The following CNIH1 variants were observed in gnomAD, a reference collection of about 807,000 sequenced individuals.
CNIH1 encodes the protein cornichon family member 1, also known as protein cornichon homolog 1.
In CNIH1, 12 loss-of-function variants were observed where a neutral mutation model predicts 20.2. That is an observed-to-expected ratio of 0.59 (90% CI 0.38 to 0.96). The LOEUF (loss-of-function observed/expected upper bound fraction) is 0.96. Ranked by LOEUF, CNIH1 falls within the 40% of genes least tolerant of loss-of-function variation. CNIH1 has a pLI of 0.00. For missense variants in CNIH1, 152 were observed against 178.8 expected, an observed-to-expected ratio of 0.85 and a Z score of 0.85; for synonymous variants, 69 against 63.3, an observed-to-expected ratio of 1.09 and a Z score of -0.43.
chr14:54,429,528 G>A (rs1400541965), intron 4 of CNIH1, among the ~76,000 whole-genome samples: 2 of 152,226 alleles, frequency 1.3e-5, no homozygotes, highest in Non-Finnish European at 2.9e-5. Flanking sequence ...GGAGGCCAAG[G>A]TGGGCGGATC....
chr14:54,430,376 G>C lies in CNIH1; in HGVS notation c.292C>G (p.Pro98Ala), dbSNP rs2030909968. 6.2e-7 allele frequency: 1 copy of C among 1,613,872 alleles called. No homozygotes were observed. The highest frequency in any genetic ancestry group is 1.1e-5 in the South Asian group (1 of 91,066). Residue 98 changes from proline (P) to alanine (A), a missense_variant, in exon 4 of 5, where the codon CCA becomes GCA. Around this residue, in one of 3 missense-constraint regions of CNIH1, gnomAD observed 27 missense variants for 55.4 expected, o/e 0.49. Coordinates refer to ENST00000216416, the MANE Select transcript of CNIH1 (RefSeq NM_005776.3). ...ATGGTTGTAGGGTCATAGAGTCCTG[G>C]GCCACTCATCACTGGTCTACTCATA... ...RYMSRPVMSGPGLYDPTTIMN... is the reference protein window; with the variant it reads ...RYMSRPVMSGAGLYDPTTIMN...
chr14:54,433,333 A>G (rs946325011), intron 2 of CNIH1, among the ~76,000 whole-genome samples: 2 of 152,194 alleles, frequency 1.3e-5, no homozygotes, highest in Admixed American at 6.5e-5. Flanking sequence ...CCATTTTCTC[A>G]TACTCCCAAA....
chr14:54,427,822 T>G lies in CNIH1; in HGVS notation c.427A>C (p.Ser143Arg). The G allele has an allele frequency of 6.2e-7, 1 of 1,613,576 alleles. No homozygotes were observed. Among genetic ancestry groups the G allele is most frequent in the Non-Finnish European group, 8.5e-7 (1 of 1,179,888 alleles). The change falls in exon 5 of 5, where the codon AGC becomes CGC. Residue 143 changes from serine to arginine, a missense_variant. Coordinates refer to ENST00000216416, the MANE Select transcript of CNIH1 (RefSeq NM_005776.3). ...TTCTTCTGTGTGTTGTTCTAAGAGC[T>G]CACCAAAACATAGATCATGCTGAAA... ...YLYGMIYVLV[S>R]S
rs2030812770 is a variant in CNIH1, at chr14:54,425,603, GGTAA to G, written c.*2207_*2210del. On this transcript the variant is annotated 3_prime_UTR_variant, in exon 5 of 5. Transcript: ENST00000216416. ...AAGTATTTCGTTTCTGCTTTCTCTT[GGTAA>G]GTGATCTAATTCATAAAACACTGAC... 1 of 152,080 alleles carries G rather than the reference GGTAA, an allele frequency of 6.6e-6. No individual in the cohort carries two copies. Among genetic ancestry groups the G allele is most frequent in the East Asian group, 1.9e-4 (1 of 5,204 alleles). 9.4% of individuals were successfully genotyped at this position (152,080 alleles called of 1,614,324 possible).
intron 1 of CNIH1, among the ~76,000 whole-genome samples, chr14:54,439,689 A>G (rs1386823195): frequency 6.6e-6 from 1 of 151,826 alleles, no homozygotes; most frequent in African/African-American, 2.4e-5. Flanking sequence ...AGCTGGGATT[A>G]CAGGCGCCCA....
Position 54,441,278 on chromosome 14 carries a change from G to A in CNIH1, c.50C>T (p.Thr17Ile). 6.6e-7 allele frequency: 1 copy of A among 1,521,760 alleles called. No homozygotes were observed. The highest frequency in any genetic ancestry group is 1.2e-5 in the South Asian group (1 of 81,274). The allele number at this position is 1,521,760 out of a possible 1,614,324, so 94.3% of individuals were successfully genotyped here. A position where few individuals can be genotyped will look rare whatever the true frequency, so the allele number is the denominator to read the frequency against. ...AATGGCGAAGAAGATGAGCGCGGCA[G>A]TGAGCAGCAGCGCCAGCATGTAGCA... ...AFCYMLALLL[T>I]AALIFFAIWH... The change falls in exon 1 of 5, where the codon ACT becomes ATT. Residue 17 changes from threonine to isoleucine, a missense_variant. By Grantham distance (89) the Thr-to-Ile change is moderately conservative. Transcript: ENST00000216416.
At position 54,424,707 on chromosome 14, in the gene CNIH1, G is replaced by C. The variant is rs1319990149; in HGVS notation, c.*3107C>G. On this transcript the variant is annotated 3_prime_UTR_variant, in exon 5 of 5. Transcript: ENST00000216416. ...TTTGGGGAGCAGAGAAGAGCTCTAT[G>C]AGAACTGTTTGCAGGAGTGGTCGTC... 5 of 152,210 alleles carry C rather than the reference G, an allele frequency of 3.3e-5. No individual in the cohort carries two copies. The highest frequency in any genetic ancestry group is 1.2e-4 in the African/African-American group (5 of 41,454). The allele number at this position is 152,210 out of a possible 1,614,324, so 9.4% of individuals were successfully genotyped here. A position where few individuals can be genotyped will look rare whatever the true frequency, so the allele number is the denominator to read the frequency against.
intron 4 of CNIH1, among the ~76,000 whole-genome samples, chr14:54,428,525 C>A (rs1441197681): frequency 6.6e-6 from 1 of 152,222 alleles, no homozygotes; most frequent in Non-Finnish European, 1.5e-5. Context: ...GCTTGATAGA[C>A]AACCTTAAAA....
chr14:54,441,232 G>C lies in CNIH1; in HGVS notation c.81+15C>G. On this transcript the variant is annotated intron_variant, in intron 1 of 4. Coordinates refer to ENST00000216416, the MANE Select transcript of CNIH1 (RefSeq NM_005776.3). ...TTGCCGCCTCGCCCTCCTTTCCCCAGCCCCAGCTACTCACGTGCCAAATGG... is the reference window on the plus strand; with the variant it reads ...TTGCCGCCTCGCCCTCCTTTCCCCACCCCCAGCTACTCACGTGCCAAATGG... 1 of 1,504,340 alleles carries C rather than the reference G, an allele frequency of 6.6e-7. No individual in the cohort carries two copies. Among genetic ancestry groups the C allele is most frequent in the Non-Finnish European group, 8.9e-7 (1 of 1,124,406 alleles). The allele number at this position is 1,504,340 out of a possible 1,614,324, so 93.2% of individuals were successfully genotyped here.
In CNIH1 at chr14:54,426,150, A is replaced by T. The variant is rs192997771; in HGVS notation, c.*1664T>A. ...TTGTTACATGAACTGACCAAGAGTC[A>T]GATCCCTCTAGTTCTCCAGACTGTG... On this transcript the variant is annotated 3_prime_UTR_variant, in exon 5 of 5. Coordinates refer to ENST00000216416, the MANE Select transcript of CNIH1 (RefSeq NM_005776.3). 6.6e-6 allele frequency: 1 copy of T among 152,328 alleles called. No individual in the cohort carries two copies. Among genetic ancestry groups the T allele is most frequent in the East Asian group, 1.9e-4 (1 of 5,184 alleles). The allele number at this position is 152,328 out of a possible 1,614,324, so 9.4% of individuals were successfully genotyped here. A position where few individuals can be genotyped will look rare whatever the true frequency, so the allele number is the denominator to read the frequency against.
chr14:54,430,102 G>C, intron 4 of CNIH1, 159 bp downstream of exon 4: 1 of 699,428 alleles, frequency 1.4e-6, no homozygotes, highest in Non-Finnish European at 2.4e-6. Flanking sequence ...GCACCAGTGT[G>C]GGCCACACTG....
chr14:54,431,335 C>G (rs1461149813), intron 3 of CNIH1, among the ~76,000 whole-genome samples: 1 of 151,908 alleles, frequency 6.6e-6, no homozygotes, highest in Non-Finnish European at 1.5e-5. Flanking sequence ...ACCATCTTGG[C>G]CAGGCTGGTC....
At chr14:54,427,932 T>A in intron 4 of CNIH1, 91 bp from the exon 5 acceptor site, 1 of 1,190,588 alleles carries the variant, frequency 8.4e-7, no homozygotes, top group Non-Finnish European at 1.2e-6. Flanking sequence ...TATAGCAAAC[T>A]AGTATCACAG....
chr14:54,428,648 A>C (rs1214583315), intron 4 of CNIH1, among the ~76,000 whole-genome samples: 1 of 152,236 alleles, frequency 6.6e-6, no homozygotes, highest in South Asian at 2.1e-4. Context: ...TTCAACAAAT[A>C]CGTATGAAGT....
At chr14:54,437,823 C>T (rs775027478) in intron 1 of CNIH1, among the ~76,000 whole-genome samples, 11 of 152,060 alleles carry the variant, frequency 7.2e-5, no homozygotes, top group Non-Finnish European at 1.6e-4. Context: ...TGACGTCAGC[C>T]GTGGTATATA....
intron 2 of CNIH1, among the ~76,000 whole-genome samples, chr14:54,434,612 A>G (rs1434897239): frequency 6.6e-6 from 1 of 152,232 alleles, no homozygotes; most frequent in Non-Finnish European, 1.5e-5. Flanking sequence ...AGTGCTTACC[A>G]CAGAGCCTAG....
Position 54,426,628 on chromosome 14 carries a change from AACTG to A in CNIH1, c.*1182_*1185del, listed in dbSNP as rs1188670785. 2 of 152,348 alleles carry A rather than the reference AACTG, an allele frequency of 1.3e-5. No homozygotes were observed. The highest frequency in any genetic ancestry group is 3.9e-4 in the East Asian group (2 of 5,186). 9.4% of individuals were successfully genotyped at this position (152,348 alleles called of 1,614,324 possible). ...AAATTTACAAGCCATTTTACCTTAA[AACTG>A]ACTGTTCCAAAAAGGAAAAATCAAA... On this transcript the variant is annotated 3_prime_UTR_variant, in exon 5 of 5. Coordinates refer to ENST00000216416, the MANE Select transcript of CNIH1 (RefSeq NM_005776.3).
In CNIH1 at chr14:54,436,405, G is replaced by A. The variant is rs2031055208; in HGVS notation, c.114C>T (p.Tyr38=). 1.3e-6 allele frequency: 2 copies of A among 1,569,226 alleles called. No individual in the cohort carries two copies. Among genetic ancestry groups the A allele is most frequent in the Non-Finnish European group, 1.8e-6 (2 of 1,139,640 alleles). The part of the protein sequence containing the change: ...IIAFDELKTD[Y]KNPIDQCNTL... ...TATTACACTGGTCTATAGGATTCTT[G>A]TAATCAGTCTTCAGCTCATCAAATG... is the stretch of plus-strand genomic sequence containing the variant. The change falls in exon 2 of 5, where the codon TAC becomes TAT. Residue 38 remains tyrosine, a synonymous_variant. Coordinates refer to ENST00000216416, the MANE Select transcript of CNIH1 (RefSeq NM_005776.3).
intron 1 of CNIH1, among the ~76,000 whole-genome samples, chr14:54,439,464 A>G (rs2031123115): frequency 6.6e-6 from 1 of 152,006 alleles, no homozygotes; most frequent in East Asian, 1.9e-4. Context: ...AAGAATCCCC[A>G]TCATCCCAGA....
Sources: allele counts gnomAD v4.1 joint callset (sites outside exome capture counted in the v4.1 genomes callset), GRCh38; gene constraint gnomAD v4.1.1; regional missense constraint gnomAD v4.1.1; transcripts MANE v1.5; gene names NCBI Gene and HGNC (gene_info 2026-07-23, HGNC 2026-07-21).